The following XKR9 variants were observed in gnomAD, a reference collection of about 807,000 sequenced individuals.
The protein encoded by XKR9 is XK related 9.
In XKR9, 32 loss-of-function variants were observed where a neutral mutation model predicts 32.0. That is an observed-to-expected ratio of 1.00 (90% confidence interval 0.76 to 1.34). The LOEUF (loss-of-function observed/expected upper bound fraction) is 1.34, where lower values mean the gene tolerates loss of function less well. Among genes scored for constraint, XKR9 ranks in the 40% most tolerant of loss-of-function variants. XKR9 has a pLI of 0.00. For missense variants in XKR9, 546 were observed against 429.7 expected (o/e 1.27, Z -2.39); for synonymous variants, 168 against 143.4 (o/e 1.17, Z -1.22).
At chr8:70,881,829 G>A in the XKR9 span, among the ~76,000 whole-genome samples, 418 of 152,188 alleles carry the variant, frequency 2.7e-3, 1 homozygote, top group Middle Eastern at 0.01. Context: ...TGTTTATTGC[G>A]GCACTATTCA....
At chr8:70,767,992 T>C (rs1352331070) in intron 2 of XKR9, among the ~76,000 whole-genome samples, 1 of 152,178 alleles carries the variant, frequency 6.6e-6, no homozygotes, top group Admixed American at 6.5e-5. Context: ...CTCTTGCTTC[T>C]GTAGTTCTTT....
chr8:70,886,548 T>C, the XKR9 span, among the ~76,000 whole-genome samples: 9 of 152,348 alleles, frequency 5.9e-5, no homozygotes, highest in East Asian at 1.7e-3. Context: ...CTTGCCAGCA[T>C]CTGTAGTTTC....
At chr8:70,762,944 A>G (rs985784817) in intron 2 of XKR9, among the ~76,000 whole-genome samples, 11 of 152,206 alleles carry the variant, frequency 7.2e-5, no homozygotes, top group Non-Finnish European at 1.3e-4. Context: ...TAGAGACACT[A>G]TTGAAATCAT....
At chr8:71,052,481 AG>A in the XKR9 span, among the ~76,000 whole-genome samples, 1 of 152,184 alleles carries the variant, frequency 6.6e-6, no homozygotes, top group Admixed American at 6.5e-5. Context: ...GGAGGAATCC[AG>A]GACTCTGACA....
At chr8:70,838,833 C>T in the XKR9 span, among the ~76,000 whole-genome samples, 11 of 152,110 alleles carry the variant, frequency 7.2e-5, no homozygotes, top group African/African-American at 2.7e-4. Context: ...GTGTCCTCTA[C>T]AAAAGTAGAA....
the XKR9 span, among the ~76,000 whole-genome samples, chr8:71,055,038 G>A: frequency 3.9e-4 from 59 of 152,202 alleles, no homozygotes; most frequent in African/African-American, 1.4e-3. Context: ...TAGACTTCAA[G>A]GATAACCTTA....
At chr8:70,998,172 A>G in the XKR9 span, among the ~76,000 whole-genome samples, 1 of 152,238 alleles carries the variant, frequency 6.6e-6, no homozygotes, top group Non-Finnish European at 1.5e-5. Context: ...GTTAGTAATA[A>G]CAAACATTTC....
chr8:70,688,386 T>C (rs962511098), intron 3 of XKR9, among the ~76,000 whole-genome samples: 1 of 151,478 alleles, frequency 6.6e-6, no homozygotes, highest in Non-Finnish European at 1.5e-5. Context: ...GATAAACGAG[T>C]TTTTCTCTGT....
chr8:70,767,338 C>G (rs942288478), intron 2 of XKR9, among the ~76,000 whole-genome samples: 4 of 151,860 alleles, frequency 2.6e-5, no homozygotes, highest in African/African-American at 7.2e-5. Context: ...GAGGGTGTAT[C>G]TGTCTAGGAA....
At chr8:70,952,153 TACACACACACACACACACAC>T in the XKR9 span, among the ~76,000 whole-genome samples, 1 of 148,104 alleles carries the variant, frequency 6.8e-6, no homozygotes, top group Non-Finnish European at 1.5e-5. Context: ...AGAAAACCTT[TACACACACACACACACACAC>T]ACACACACAC....
the XKR9 span, among the ~76,000 whole-genome samples, chr8:70,931,873 T>C: frequency 2.0e-4 from 31 of 152,276 alleles, no homozygotes; most frequent in East Asian, 5.8e-3. Context: ...TAATGAGAGA[T>C]CCAGACCTAT....
At chr8:70,975,363 T>A in the XKR9 span, among the ~76,000 whole-genome samples, 3 of 152,386 alleles carry the variant, frequency 2.0e-5, no homozygotes, top group Non-Finnish European at 4.4e-5. Flanking sequence ...TCTAGGGTTT[T>A]CATGGTTTTA....
intron 2 of XKR9, among the ~76,000 whole-genome samples, chr8:70,779,739 C>T (rs766108958): frequency 6.6e-6 from 1 of 152,028 alleles, no homozygotes; most frequent in Non-Finnish European, 1.5e-5. Context: ...AATTTATTTG[C>T]TTAGAGGTGT....
intron 2 of XKR9, among the ~76,000 whole-genome samples, chr8:70,788,419 G>A (rs973167035): frequency 4.6e-5 from 7 of 152,066 alleles, no homozygotes; most frequent in Admixed American, 1.3e-4. Context: ...GGTTGCTACC[G>A]TTGGGCAGGT....
chr8:70,808,343 G>C, the XKR9 span, among the ~76,000 whole-genome samples: 10,762 of 152,216 alleles, frequency 0.071, 459 homozygotes, highest in Non-Finnish European at 0.089. Flanking sequence ...AATAGGAACA[G>C]CTCCAGTCTA....
chr8:70,720,938 G>T (rs1806258037), intron 4 of XKR9, among the ~76,000 whole-genome samples: 1 of 152,008 alleles, frequency 6.6e-6, no homozygotes, highest in African/African-American at 2.4e-5. Flanking sequence ...CCTGGGCTTT[G>T]TTCGGTTGGT....
the XKR9 span, among the ~76,000 whole-genome samples, chr8:70,937,494 T>C: frequency 3.9e-5 from 6 of 152,010 alleles, no homozygotes; most frequent in Non-Finnish European, 7.4e-5. Context: ...AAAAATTCAG[T>C]CTAGGATGTC....
chr8:70,801,031 TG>T, the XKR9 span, among the ~76,000 whole-genome samples: 1 of 151,994 alleles, frequency 6.6e-6, no homozygotes, highest in African/African-American at 2.4e-5. Context: ...AATATCTTTT[TG>T]TCATTTCTGA....
the XKR9 span, among the ~76,000 whole-genome samples, chr8:70,902,930 G>A: frequency 6.6e-6 from 1 of 152,102 alleles, no homozygotes; most frequent in Non-Finnish European, 1.5e-5. Flanking sequence ...CTGTTTATAT[G>A]ATGGATTATG....
Sources: gnomAD v4.1 joint callset for allele counts (sites outside exome capture counted in the v4.1 genomes callset) on GRCh38, gnomAD v4.1.1 for gene constraint, MANE v1.5 for transcripts, NCBI Gene and HGNC (gene_info 2026-07-23, HGNC 2026-07-21) for gene names.